The following COL24A1 variants were observed in gnomAD, a reference collection of about 807,000 sequenced individuals.
The protein encoded by COL24A1 is collagen type XXIV alpha 1 chain.
In COL24A1, 224 loss-of-function variants were observed where a neutral mutation model predicts 253.9. That is an observed-to-expected ratio of 0.88 (90% CI 0.79 to 0.99). The LOEUF (loss-of-function observed/expected upper bound fraction) is 0.99, where lower values mean the gene tolerates loss of function less well. Among genes scored for constraint, COL24A1 ranks in the 50% least tolerant of loss-of-function variants. The pLI is 0.00. For synonymous variants in COL24A1, 685 were observed against 673.7 expected (o/e 1.02, Z -0.26); for missense variants, 2,131 against 2,068.5 (o/e 1.03, Z -0.59).
chr1:85,987,652 A>G lies in COL24A1; in HGVS notation c.2313T>C (p.Gly771=), dbSNP rs1164005205. The change falls in exon 20 of 60, where the codon GGT becomes GGC. Residue 771 remains glycine (G), a splice_region_variant and synonymous_variant. Coordinates refer to ENST00000370571, the MANE Select transcript of COL24A1 (RefSeq NM_152890.7). ...CAGGAATCCCAATATCTCCTGGAAA[A>G]CCCTAGGGAATATAAAAATGTAGCG... is the stretch of plus-strand genomic sequence containing the variant. ...QGPSGPPGPE[G]FPGDIGIPGQ... 2 of 1,607,520 alleles carry G rather than the reference A, an allele frequency of 1.2e-6. No individual in the cohort carries two copies. The highest frequency in any genetic ancestry group is 2.2e-5 in the South Asian group (2 of 89,848).
chr1:85,746,326 G>A (rs1170405033), intron 55 of COL24A1, among the ~76,000 whole-genome samples: 2 of 152,098 alleles, frequency 1.3e-5, no homozygotes, highest in Non-Finnish European at 2.9e-5. Flanking sequence ...TATTTGAAAT[G>A]ATGGAATAAT....
At chr1:86,112,261 T>C (rs1395586268) in intron 5 of COL24A1, among the ~76,000 whole-genome samples, 1 of 152,182 alleles carries the variant, frequency 6.6e-6, no homozygotes, top group Admixed American at 6.5e-5. Flanking sequence ...ATTACTCAAA[T>C]CATAATCTTA....
At chr1:85,909,296 A>G (rs1685146083) in intron 26 of COL24A1, among the ~76,000 whole-genome samples, 1 of 151,842 alleles carries the variant, frequency 6.6e-6, no homozygotes, top group Non-Finnish European at 1.5e-5. Context: ...GTTAGTTAAA[A>G]TCAATTTGTA....
At chr1:86,120,562 C>G (rs182023852) in intron 3 of COL24A1, among the ~76,000 whole-genome samples, 1 of 152,190 alleles carries the variant, frequency 6.6e-6, no homozygotes, top group Admixed American at 6.5e-5. Context: ...CACTGGTCAT[C>G]AGATAAATGC....
chr1:85,817,828 C>A (rs1236521986), intron 46 of COL24A1, among the ~76,000 whole-genome samples: 6 of 152,124 alleles, frequency 3.9e-5, no homozygotes, highest in Non-Finnish European at 7.4e-5. Flanking sequence ...CCTTCAACTG[C>A]AGGGACTTAT....
At chr1:86,052,963 C>T (rs962399026) in intron 10 of COL24A1, among the ~76,000 whole-genome samples, 2 of 151,750 alleles carry the variant, frequency 1.3e-5, no homozygotes, top group African/African-American at 4.8e-5. Flanking sequence ...ATTGTATGAA[C>T]AAGCAAAAAT....
intron 7 of COL24A1, among the ~76,000 whole-genome samples, chr1:86,071,133 C>T (rs10873742): frequency 0.17 from 25,576 of 152,020 alleles, 2,383 homozygotes; most frequent in East Asian, 0.28. Context: ...TTTCTTTTTA[C>T]ATGTTTTTTG....
intron 19 of COL24A1, among the ~76,000 whole-genome samples, chr1:86,006,316 A>T (rs1448298685): frequency 6.6e-6 from 1 of 152,194 alleles, no homozygotes; most frequent in African/African-American, 2.4e-5. Flanking sequence ...ACAGATAAGT[A>T]GATGAGCGGA....
chr1:85,777,284 A>T (rs965101898), intron 52 of COL24A1, among the ~76,000 whole-genome samples: 2 of 152,076 alleles, frequency 1.3e-5, no homozygotes, highest in African/African-American at 4.8e-5. Flanking sequence ...ACTTTAAAAA[A>T]ATATATACAC....
At chr1:85,970,724 A>G (rs1692075812) in intron 21 of COL24A1, among the ~76,000 whole-genome samples, 1 of 152,220 alleles carries the variant, frequency 6.6e-6, no homozygotes, top group Non-Finnish European at 1.5e-5. Context: ...TTCACAATTC[A>G]ATTAAAATAT....
intron 7 of COL24A1, among the ~76,000 whole-genome samples, chr1:86,070,162 C>T (rs1026152955): frequency 2.0e-5 from 3 of 152,052 alleles, no homozygotes; most frequent in African/African-American, 2.4e-5. Flanking sequence ...GCAGAAATTC[C>T]ACAGTTGAAA....
At position 85,731,986 on chromosome 1, in the gene COL24A1, A is replaced by T. The variant is rs575163805; in HGVS notation, c.4999-1294T>A. On this transcript the variant is annotated intron_variant, in intron 59 of 59. Transcript: ENST00000370571. The stretch of plus-strand genomic sequence containing the variant: ...CAACCACCACAAAAAACTAAAAAAC[A>T]GAAGGGCAAGTAGAAAGTGGCTGTG... 7.9e-4 allele frequency among the ~76,000 whole-genome samples: 121 copies of T among 152,330 alleles called. 1 individual carries two copies. The South Asian group carries it at 9.7e-3, about 12-fold the overall frequency.
chr1:86,112,665 T>C, intron 4 of COL24A1, 45 bp from the exon 5 acceptor site: 2 of 1,548,676 alleles, frequency 1.3e-6, no homozygotes, highest in South Asian at 2.3e-5. Flanking sequence ...CATACTGGAA[T>C]GGAACAAAGT....
At chr1:86,025,389 G>C (rs1478522355) in intron 14 of COL24A1, among the ~76,000 whole-genome samples, 2 of 152,234 alleles carry the variant, frequency 1.3e-5, no homozygotes, top group East Asian at 3.9e-4. Context: ...TAAGTTATTT[G>C]TATTAAAAAG....
intron 28 of COL24A1, among the ~76,000 whole-genome samples, chr1:85,898,175 A>T (rs1409042561): frequency 1.3e-5 from 2 of 152,254 alleles, no homozygotes; most frequent in South Asian, 4.1e-4. Context: ...CAGAAAACTG[A>T]TGCTAAAGAT....
intron 7 of COL24A1, among the ~76,000 whole-genome samples, chr1:86,071,411 C>T (rs1701866148): frequency 6.6e-6 from 1 of 152,056 alleles, no homozygotes; most frequent in Non-Finnish European, 1.5e-5. Flanking sequence ...TCAATAATAA[C>T]ATTGAATGTA....
Position 86,048,356 on chromosome 1 carries a change from C to T in COL24A1, c.1906-1487G>A, listed in dbSNP as rs146651388. On this transcript the variant is annotated intron_variant, in intron 11 of 59. Transcript: ENST00000370571. The stretch of plus-strand genomic sequence containing the variant: ...TTTTTTGTACTTAAACATTTTATAA[C>T]GTAACACCCTTTTAGCTACATCATT... Among the ~76,000 whole-genome samples, 495 of 152,232 alleles carry T rather than the reference C, an allele frequency of 3.3e-3. 11 individuals are homozygous for T. The East Asian group carries it at 0.046, about 14-fold the overall frequency.
intron 28 of COL24A1, among the ~76,000 whole-genome samples, chr1:85,906,277 TACCATGGTTAGGTAGAGGATA>T (rs1684821186): frequency 4.1e-5 from 6 of 147,590 alleles, no homozygotes; most frequent in Non-Finnish European, 3.0e-5. Context: ...TTTTTTTTTT[TACCATGGTTAGGTAGAGGATA>T]TTTTTAGAAT....
chr1:85,835,127 A>G (rs1005810786), intron 43 of COL24A1, among the ~76,000 whole-genome samples: 1 of 151,842 alleles, frequency 6.6e-6, no homozygotes, highest in African/African-American at 2.4e-5. Context: ...AGACATATAT[A>G]TATATATTTT....
Sources: gnomAD v4.1 joint callset for allele counts (sites outside exome capture counted in the v4.1 genomes callset) on GRCh38, gnomAD v4.1.1 for gene constraint, MANE v1.5 for transcripts, NCBI Gene and HGNC (gene_info 2026-07-23, HGNC 2026-07-21) for gene names.